Variants in PTPRD observed in about 807,000 individuals in gnomAD.
PTPRD encodes protein tyrosine phosphatase receptor type D.
PTPRD carries 34 observed loss-of-function variants against 214.5 expected under a neutral mutation model. The observed-to-expected ratio is 0.16, with a 90% CI of 0.12 to 0.21. PTPRD has a LOEUF of 0.21. PTPRD is among the 10% of genes least tolerant of loss of function. The pLI is 1.00. For synonymous variants in PTPRD, 1,128 were observed against 845.7 expected (o/e 1.33, Z -5.79); for missense variants, 2,545 against 2,398.7 (o/e 1.06, Z -1.27).
chr9:10,199,271 T>C (rs2099410122), intron 3 of PTPRD, among the ~76,000 whole-genome samples: 1 of 152,102 alleles, frequency 6.6e-6, no homozygotes, highest in Non-Finnish European at 1.5e-5. Flanking sequence ...TAGTGTATAG[T>C]TAGTTCTTTC....
intron 3 of PTPRD, among the ~76,000 whole-genome samples, chr9:10,250,148 A>G (rs1474390576): frequency 6.6e-6 from 1 of 152,174 alleles, no homozygotes; most frequent in Non-Finnish European, 1.5e-5. Flanking sequence ...TTAGCACAGC[A>G]TAAAGTGAAC....
At chr9:9,093,324 G>A (rs917797209) in intron 10 of PTPRD, among the ~76,000 whole-genome samples, 1 of 152,002 alleles carries the variant, frequency 6.6e-6, no homozygotes, top group Non-Finnish European at 1.5e-5. Flanking sequence ...AACACTAGTA[G>A]TCAACTTGAT....
chr9:8,402,493 C>T (rs2092523153), intron 36 of PTPRD, among the ~76,000 whole-genome samples: 1 of 152,126 alleles, frequency 6.6e-6, no homozygotes, highest in Non-Finnish European at 1.5e-5. Context: ...GGAAACAATG[C>T]TACAATAGAG....
chr9:8,597,850 A>G (rs1391156047), intron 14 of PTPRD, among the ~76,000 whole-genome samples: 7 of 152,164 alleles, frequency 4.6e-5, no homozygotes, highest in Non-Finnish European at 1.0e-4. Flanking sequence ...TGACAAGTAT[A>G]ATCCACTATC....
intron 24 of PTPRD, 65 bp downstream of exon 24, chr9:8,500,689 A>G (rs917710612): frequency 6.7e-6 from 10 of 1,503,402 alleles, no homozygotes; most frequent in Non-Finnish European, 9.1e-6. Flanking sequence ...CTGTGAGCCT[A>G]TTGAAAGACA....
At chr9:9,240,065 C>A (rs1161443259) in intron 9 of PTPRD, among the ~76,000 whole-genome samples, 1 of 152,046 alleles carries the variant, frequency 6.6e-6, no homozygotes, top group Admixed American at 6.6e-5. Flanking sequence ...GTTTTCATGA[C>A]CCATTCAAGC....
At chr9:8,322,531 A>G (rs1829429095) in intron 44 of PTPRD, among the ~76,000 whole-genome samples, 1 of 152,172 alleles carries the variant, frequency 6.6e-6, no homozygotes, top group Non-Finnish European at 1.5e-5. Flanking sequence ...CAAGGCCCTA[A>G]CTCTCTTCAA....
chr9:8,971,490 C>T (rs1341599266), intron 11 of PTPRD, among the ~76,000 whole-genome samples: 2 of 151,574 alleles, frequency 1.3e-5, no homozygotes, highest in Non-Finnish European at 3.0e-5. Context: ...GACAGTTATG[C>T]CTAATTCACA....
rs186635917 is a variant in PTPRD at position 10,554,080 on chromosome 9, A to G, written c.-600+58318T>C. On this transcript the variant is annotated intron_variant, in intron 2 of 45. Transcript: ENST00000381196. Reference sequence around the variant, plus strand: ...ACAAAGTTACATTTCTTAATCTCTTAATCCCATGCAAATGTCCATCCCAAA... The same window carrying G: ...ACAAAGTTACATTTCTTAATCTCTTGATCCCATGCAAATGTCCATCCCAAA... Among the ~76,000 whole-genome samples, 298 of 152,260 alleles carry G rather than the reference A, an allele frequency of 2.0e-3. 1 individual carries two copies. Among genetic ancestry groups the G allele is most frequent in the African/African-American group, 6.9e-3 (288 of 41,548 alleles).
intron 12 of PTPRD, among the ~76,000 whole-genome samples, chr9:8,671,264 A>AT (rs1355414901): frequency 6.6e-6 from 1 of 152,222 alleles, no homozygotes. Context: ...GCAAGGTATC[A>AT]TCCCTAAACT....
chr9:8,891,137 A>ATTTTTTTTTTTTTTTTTTTTTTTTTT lies in PTPRD; in HGVS notation c.-104+127559_-104+127560insAAAAAAAAAAAAAAAAAAAAAAAAAA, dbSNP rs761564011. On this transcript the variant is annotated intron_variant, in intron 11 of 45. Transcript: ENST00000381196. ...AACTTCTGTGCTTTGAATTAATCTAATTTTTTTTTTTTTTGAGACTGAGTC... is the reference window on the plus strand; with the variant it reads ...AACTTCTGTGCTTTGAATTAATCTAATTTTTTTTTTTTTTTTTTTTTTTTTTTTTTTTTTTTTTTTGAGACTGAGTC... 3.2e-5 allele frequency among the ~76,000 whole-genome samples: 4 copies of ATTTTTTTTTTTTTTTTTTTTTTTTTT among 123,626 alleles called. 1 individual carries two copies. The highest frequency in any genetic ancestry group is 1.3e-4 in the African/African-American group (4 of 31,618). The allele number at this position is 123,626 out of a possible 152,430, so 81.1% of individuals were successfully genotyped here. A position where few individuals can be genotyped will look rare whatever the true frequency, so the allele number is the denominator to read the frequency against.
intron 7 of PTPRD, among the ~76,000 whole-genome samples, chr9:9,579,749 T>A (rs779487194): frequency 2.6e-5 from 4 of 152,162 alleles, no homozygotes; most frequent in Non-Finnish European, 5.9e-5. Flanking sequence ...AATTTGGTTA[T>A]ATGCATATAT....
intron 3 of PTPRD, among the ~76,000 whole-genome samples, chr9:10,243,004 A>G (rs1417920403): frequency 5.9e-5 from 9 of 151,944 alleles, no homozygotes; most frequent in African/African-American, 2.2e-4. Context: ...AAGTTTTAAC[A>G]GTTCATACAC....
At chr9:10,262,679 A>T (rs1441313434) in intron 3 of PTPRD, among the ~76,000 whole-genome samples, 1 of 152,214 alleles carries the variant, frequency 6.6e-6, no homozygotes, top group Non-Finnish European at 1.5e-5. Context: ...TGAATAAGTC[A>T]CTTTACCTCT....
chr9:8,827,610 C>T (rs538837543), intron 11 of PTPRD, among the ~76,000 whole-genome samples: 2 of 152,052 alleles, frequency 1.3e-5, no homozygotes, highest in African/African-American at 4.8e-5. Flanking sequence ...CTGTCTCAAA[C>T]AAACAAAAAA....
chr9:9,466,048 C>T (rs1361974487), intron 8 of PTPRD, among the ~76,000 whole-genome samples: 1 of 152,058 alleles, frequency 6.6e-6, no homozygotes, highest in Non-Finnish European at 1.5e-5. Context: ...ATGGTTCACA[C>T]CTATAATACC....
chr9:9,786,558 G>A (rs185138878), intron 5 of PTPRD, among the ~76,000 whole-genome samples: 7 of 152,264 alleles, frequency 4.6e-5, no homozygotes, highest in Admixed American at 4.6e-4. Flanking sequence ...AAATCACAGT[G>A]GACATTCCCT....
chr9:9,013,584 C>T (rs1369053622), intron 11 of PTPRD, among the ~76,000 whole-genome samples: 2 of 152,108 alleles, frequency 1.3e-5, no homozygotes, highest in African/African-American at 4.8e-5. Context: ...GGATAAAAGA[C>T]CTTGCTATAT....
At chr9:10,133,976 T>A (rs532013240) in intron 3 of PTPRD, among the ~76,000 whole-genome samples, 1 of 152,120 alleles carries the variant, frequency 6.6e-6, no homozygotes, top group Admixed American at 6.6e-5. Flanking sequence ...CAAGCAATGT[T>A]TTATCAAAAC....
Sources: gnomAD v4.1 joint callset for allele counts (sites outside exome capture counted in the v4.1 genomes callset) on GRCh38, gnomAD v4.1.1 for gene constraint, MANE v1.5 for transcripts, NCBI Gene and HGNC (gene_info 2026-07-23, HGNC 2026-07-21) for gene names.